Variants in VTI1A observed in about 807,000 individuals in gnomAD.
VTI1A encodes vesicle transport through interaction with t-SNAREs homolog 1A.
In VTI1A, 22 loss-of-function variants were observed where a neutral mutation model predicts 34.9. The ratio of observed to expected loss-of-function variants is 0.63; its 90% confidence interval spans 0.45 to 0.90. VTI1A has a LOEUF of 0.90. Among genes scored for constraint, VTI1A ranks in the 40% least tolerant of loss-of-function variants. The pLI is 0.00. For missense variants in VTI1A, 268 were observed against 275.6 expected (o/e 0.97, Z 0.20); for synonymous variants, 87 against 97.3 (o/e 0.89, Z 0.62).
intron 5 of VTI1A, among the ~76,000 whole-genome samples, chr10:112,586,063 C>A (rs1844143204): frequency 6.6e-6 from 1 of 151,610 alleles, no homozygotes; most frequent in Non-Finnish European, 1.5e-5. Flanking sequence ...AGAAATGTAC[C>A]AAAATATCAC....
intron 6 of VTI1A, 67 bp from the exon 7 acceptor site, chr10:112,668,870 G>A (rs1373418525): frequency 3.9e-5 from 59 of 1,494,798 alleles, no homozygotes; most frequent in South Asian, 2.2e-4. Flanking sequence ...ATAAATTGTC[G>A]CTTGCCATGC....
intron 7 of VTI1A, among the ~76,000 whole-genome samples, chr10:112,806,650 A>G (rs1017001978): frequency 6.6e-6 from 1 of 150,492 alleles, no homozygotes; most frequent in Non-Finnish European, 1.5e-5. Flanking sequence ...CAGCAGTGCA[A>G]TCGTGGCTCA....
chr10:112,738,953 A>G (rs2133973066), intron 7 of VTI1A, among the ~76,000 whole-genome samples: 1 of 152,212 alleles, frequency 6.6e-6, no homozygotes, highest in Admixed American at 6.5e-5. Flanking sequence ...CACGGCCTGA[A>G]CTCGCTCTGA....
intron 7 of VTI1A, among the ~76,000 whole-genome samples, chr10:112,670,749 G>A (rs911812578): frequency 6.6e-6 from 1 of 152,136 alleles, no homozygotes; most frequent in African/African-American, 2.4e-5. Flanking sequence ...TCTACATGGG[G>A]TTCTCTTTGT....
chr10:112,617,655 TA>T (rs1845555884), intron 5 of VTI1A, among the ~76,000 whole-genome samples: 1 of 152,072 alleles, frequency 6.6e-6, no homozygotes, highest in East Asian at 1.9e-4. Context: ...AGGACAGGTG[TA>T]AAAATATTCA....
chr10:112,476,707 G>T (rs1210799220), intron 3 of VTI1A, among the ~76,000 whole-genome samples: 1 of 152,190 alleles, frequency 6.6e-6, no homozygotes, highest in African/African-American at 2.4e-5. Context: ...GGTTACAAAA[G>T]TATTTGAATA....
At chr10:112,619,574 T>G (rs902451322) in intron 5 of VTI1A, among the ~76,000 whole-genome samples, 2 of 152,212 alleles carry the variant, frequency 1.3e-5, no homozygotes, top group Non-Finnish European at 2.9e-5. Flanking sequence ...CTGCAAAATA[T>G]GTAGACTATG....
intron 7 of VTI1A, among the ~76,000 whole-genome samples, chr10:112,794,003 TCAC>T (rs1170135617): frequency 4.6e-5 from 7 of 152,292 alleles, no homozygotes; most frequent in Admixed American, 2.6e-4. Flanking sequence ...CCCTCACCCC[TCAC>T]TTTTTAAGTT....
intron 7 of VTI1A, among the ~76,000 whole-genome samples, chr10:112,757,351 ATTTTTTTTT>A (rs1175362768): frequency 5.7e-4 from 23 of 40,690 alleles, no homozygotes; most frequent in African/African-American, 1.3e-3. Flanking sequence ...TGTTGCTGTG[ATTTTTTTTT>A]TTTTTTTTTT....
chr10:112,685,381 T>C (rs573686984), intron 7 of VTI1A, among the ~76,000 whole-genome samples: 8 of 152,328 alleles, frequency 5.3e-5, no homozygotes, highest in South Asian at 4.1e-4. Flanking sequence ...CTCCCCTCTC[T>C]AGCATTGTTT....
At chr10:112,674,138 A>T (rs1046575941) in intron 7 of VTI1A, among the ~76,000 whole-genome samples, 1 of 152,066 alleles carries the variant, frequency 6.6e-6, no homozygotes, top group African/African-American at 2.4e-5. Context: ...TTACTTCTCT[A>T]TCTCTTTTTC....
intron 5 of VTI1A, among the ~76,000 whole-genome samples, chr10:112,625,731 T>G (rs774705315): frequency 1.1e-4 from 16 of 149,334 alleles, no homozygotes; most frequent in Non-Finnish European, 1.5e-4. Context: ...AATGACGCAA[T>G]GGACTTTGGG....
At chr10:112,683,876 C>A (rs942779880) in intron 7 of VTI1A, among the ~76,000 whole-genome samples, 1 of 152,174 alleles carries the variant, frequency 6.6e-6, no homozygotes, top group Non-Finnish European at 1.5e-5. Context: ...AACCCTGCCT[C>A]CACTAAAAGT....
chr10:112,736,101 A>G lies in VTI1A; in HGVS notation c.560+67103A>G, dbSNP rs536912383. The stretch of plus-strand genomic sequence containing the variant: ...TATATATAGTATATTTTACATATAT[A>G]TGTGTGTGTGTATATATATATATAT... On this transcript the variant is annotated intron_variant, in intron 7 of 7. Coordinates refer to ENST00000393077, the MANE Select transcript of VTI1A (RefSeq NM_145206.4). Among the ~76,000 whole-genome samples the G allele has an allele frequency of 8.0e-3, 1,019 of 126,958 alleles. 15 individuals are homozygous for G. Among genetic ancestry groups the G allele is most frequent in the African/African-American group, 0.032 (910 of 28,652 alleles). 83.3% of individuals were successfully genotyped at this position (126,958 alleles called of 152,430 possible).
intron 4 of VTI1A, among the ~76,000 whole-genome samples, chr10:112,527,898 A>G (rs1465511623): frequency 1.3e-5 from 2 of 152,078 alleles, no homozygotes; most frequent in Non-Finnish European, 2.9e-5. Flanking sequence ...AATTAATACT[A>G]CAGACTTCAT....
chr10:112,807,487 C>T (rs116876681), intron 7 of VTI1A, among the ~76,000 whole-genome samples: 7 of 152,306 alleles, frequency 4.6e-5, no homozygotes, highest in Non-Finnish European at 1.0e-4. Flanking sequence ...ACGTGCCCCT[C>T]TTTGTCCTCT....
chr10:112,690,141 C>T (rs181880109), intron 7 of VTI1A, among the ~76,000 whole-genome samples: 12 of 120,198 alleles, frequency 1.0e-4, no homozygotes, highest in Non-Finnish European at 1.9e-4. Flanking sequence ...TGGGGGTATA[C>T]TACAATTTAT....
In VTI1A at chr10:112,765,336, C is replaced by T. The variant is rs997125436; in HGVS notation, c.561-49954C>T. 3.9e-5 allele frequency among the ~76,000 whole-genome samples: 6 copies of T among 152,080 alleles called. No homozygotes were observed. The East Asian group carries it at 5.8e-4, about 15-fold the overall frequency. Reference sequence around the variant, plus strand: ...GCACTTCACCTGCCTCAGCTTCCCACGTAGCTGAGATTACAGGCGCCCGCC... The same window carrying T: ...GCACTTCACCTGCCTCAGCTTCCCATGTAGCTGAGATTACAGGCGCCCGCC... On this transcript the variant is annotated intron_variant, in intron 7 of 7. Transcript: ENST00000393077.
At chr10:112,567,281 A>G (rs1469241486) in intron 5 of VTI1A, among the ~76,000 whole-genome samples, 1 of 152,126 alleles carries the variant, frequency 6.6e-6, no homozygotes, top group Non-Finnish European at 1.5e-5. Flanking sequence ...CACCTGCCTA[A>G]GCCTCCCAAA....
Sources: allele counts gnomAD v4.1 joint callset (sites outside exome capture counted in the v4.1 genomes callset), GRCh38; gene constraint gnomAD v4.1.1; transcripts MANE v1.5; gene names NCBI Gene and HGNC (gene_info 2026-07-23, HGNC 2026-07-21).